GPC6: variants seen among roughly 807,000 people sequenced by gnomAD.
The protein encoded by GPC6 is glypican 6, also known as glypican-6.
In GPC6, 14 loss-of-function variants were observed where a neutral mutation model predicts 55.2. That is an observed-to-expected ratio of 0.25 (90% CI 0.17 to 0.40). GPC6 has a LOEUF of 0.40. Ranked by LOEUF, GPC6 falls within the 10% of genes least tolerant of loss-of-function variation. The pLI is 1.00. For missense variants in GPC6, 641 were observed against 708.5 expected (o/e 0.90, Z 1.08); for synonymous variants, 278 against 259.6 (o/e 1.07, Z -0.68).
intron 1 of GPC6, among the ~76,000 whole-genome samples, chr13:93,259,204 A>G (rs1232023379): frequency 6.6e-6 from 1 of 152,138 alleles, no homozygotes; most frequent in Non-Finnish European, 1.5e-5. Context: ...AACCACTTAA[A>G]GGCGAACCCA....
chr13:93,345,451 G>A (rs1175954384), intron 1 of GPC6, among the ~76,000 whole-genome samples: 4 of 151,600 alleles, frequency 2.6e-5, no homozygotes, highest in South Asian at 2.1e-4. Context: ...TCTGCATCCC[G>A]AGTAAACAGC....
chr13:93,956,461 A>T (rs547514079), intron 3 of GPC6, among the ~76,000 whole-genome samples: 47 of 152,320 alleles, frequency 3.1e-4, no homozygotes, highest in African/African-American at 1.1e-3. Context: ...AGAAATTCAC[A>T]TTAAATACAA....
At chr13:94,114,907 T>G (rs1886381413) in intron 4 of GPC6, among the ~76,000 whole-genome samples, 1 of 152,006 alleles carries the variant, frequency 6.6e-6, no homozygotes, top group Non-Finnish European at 1.5e-5. Context: ...AAACGAGACA[T>G]AAAAGTAAGA....
chr13:94,167,440 T>A (rs891312760), intron 4 of GPC6, among the ~76,000 whole-genome samples: 6 of 152,180 alleles, frequency 3.9e-5, no homozygotes, highest in African/African-American at 1.4e-4. Flanking sequence ...CCTCATTATG[T>A]TTAAATGGTC....
chr13:93,362,327 T>C (rs932396762), intron 1 of GPC6, among the ~76,000 whole-genome samples: 1 of 152,172 alleles, frequency 6.6e-6, no homozygotes, highest in Non-Finnish European at 1.5e-5. Flanking sequence ...CCTTTGCTTT[T>C]GAATTTCTGA....
chr13:93,269,938 G>A (rs1877460077), intron 1 of GPC6, among the ~76,000 whole-genome samples: 1 of 144,988 alleles, frequency 6.9e-6, no homozygotes, highest in Non-Finnish European at 1.5e-5. Flanking sequence ...TATGATATGA[G>A]TAAGTTTAAA....
intron 1 of GPC6, among the ~76,000 whole-genome samples, chr13:93,501,660 G>T (rs970539699): frequency 1.3e-5 from 2 of 152,062 alleles, no homozygotes; most frequent in African/African-American, 4.8e-5. Context: ...ACAAAAAGAA[G>T]AGTTTACTGC....
rs939638252 is a variant in GPC6, at chr13:93,765,995, C to G, written c.320-64159C>G. ...ATGACAAATGAGCCATAAGTTTCAA[C>G]TTTACAGTAGTAGTAGATACCTTGA... On this transcript the variant is annotated intron_variant, in intron 2 of 8. Transcript: ENST00000377047. Among the ~76,000 whole-genome samples, 5 of 152,168 alleles carry G rather than the reference C, an allele frequency of 3.3e-5. No individual in the cohort carries two copies. The East Asian group carries it at 9.6e-4, about 29-fold the overall frequency.
At chr13:94,085,022 C>A (rs977737756) in intron 4 of GPC6, among the ~76,000 whole-genome samples, 11 of 151,684 alleles carry the variant, frequency 7.3e-5, no homozygotes, top group Non-Finnish European at 2.9e-5. Context: ...TGGTATAATT[C>A]ATGTATAAAA....
chr13:94,272,726 C>T (rs1478819766), intron 4 of GPC6, among the ~76,000 whole-genome samples: 1 of 152,008 alleles, frequency 6.6e-6, no homozygotes, highest in Non-Finnish European at 1.5e-5. Context: ...CCTTGGCCTC[C>T]CAAAGTGCTG....
intron 4 of GPC6, among the ~76,000 whole-genome samples, chr13:94,178,566 T>C (rs753367889): frequency 3.9e-5 from 6 of 152,246 alleles, no homozygotes; most frequent in Non-Finnish European, 8.8e-5. Flanking sequence ...TGTTTTTCTT[T>C]CTTCCTTTGA....
At chr13:94,265,371 T>C (rs1413474082) in intron 4 of GPC6, among the ~76,000 whole-genome samples, 1 of 152,112 alleles carries the variant, frequency 6.6e-6, no homozygotes, top group African/African-American at 2.4e-5. Flanking sequence ...GCAGGAAGCA[T>C]CCAGCATGGG....
Position 93,626,864 on chromosome 13 carries a change from C to G in GPC6, c.319+81443C>G, listed in dbSNP as rs565564212. The stretch of plus-strand genomic sequence containing the variant: ...ATAAAGAAAACAGGTTTTATTGGCT[C>G]ACATTTTCACAAGCTGCACAGGAAA... On this transcript the variant is annotated intron_variant, in intron 2 of 8. Coordinates refer to ENST00000377047, the MANE Select transcript of GPC6 (RefSeq NM_005708.5). Among the ~76,000 whole-genome samples the G allele has an allele frequency of 8.0e-4, 121 of 151,542 alleles. 1 individual carries two copies. The highest frequency in any genetic ancestry group is 2.8e-3 in the African/African-American group (114 of 41,290).
intron 1 of GPC6, among the ~76,000 whole-genome samples, chr13:93,355,674 T>C (rs1311805935): frequency 6.6e-6 from 1 of 152,146 alleles, no homozygotes; most frequent in African/African-American, 2.4e-5. Context: ...GTGATGGAAC[T>C]AGAACTATGC....
intron 2 of GPC6, among the ~76,000 whole-genome samples, chr13:93,763,767 G>T (rs1414679463): frequency 2.0e-5 from 3 of 151,922 alleles, no homozygotes; most frequent in Non-Finnish European, 4.4e-5. Flanking sequence ...TTAACTTGCT[G>T]ACCCTACGCT....
chr13:93,592,447 C>A (rs1262182334), intron 2 of GPC6, among the ~76,000 whole-genome samples: 1 of 148,884 alleles, frequency 6.7e-6, no homozygotes, highest in Non-Finnish European at 1.5e-5. Flanking sequence ...GACGGGGTTT[C>A]ACCGTGTTGG....
rs188914123 is a variant in GPC6 at position 94,282,714 on chromosome 13, C to T, written c.878-3635C>T. ...GCAAGGGTGGATGGAGATCTAGGCTCAACTGGGACTGTCATCTGGAATCCC... is the reference window on the plus strand; with the variant it reads ...GCAAGGGTGGATGGAGATCTAGGCTTAACTGGGACTGTCATCTGGAATCCC... On this transcript the variant is annotated intron_variant, in intron 4 of 8. Coordinates refer to ENST00000377047, the MANE Select transcript of GPC6 (RefSeq NM_005708.5). 2.0e-4 allele frequency among the ~76,000 whole-genome samples: 30 copies of T among 152,310 alleles called. 1 individual carries two copies. In the East Asian group the frequency reaches 5.4e-3, roughly 27 times the overall value.
intron 4 of GPC6, 65 bp from the exon 5 acceptor site, chr13:94,286,284 T>TAAACATTGTTA: frequency 6.4e-7 from 1 of 1,557,886 alleles, no homozygotes; most frequent in Non-Finnish European, 8.8e-7. Context: ...TAACAATGTT[T>TAAACATTGTTA]AAACACAGGT....
intron 2 of GPC6, among the ~76,000 whole-genome samples, chr13:93,795,028 A>G (rs1886155261): frequency 6.6e-6 from 1 of 152,190 alleles, no homozygotes; most frequent in Non-Finnish European, 1.5e-5. Context: ...TGTTGTGGAA[A>G]TGATTCTAGT....
Sources: gnomAD v4.1 joint callset for allele counts (sites outside exome capture counted in the v4.1 genomes callset) on GRCh38, gnomAD v4.1.1 for gene constraint, MANE v1.5 for transcripts, NCBI Gene and HGNC (gene_info 2026-07-23, HGNC 2026-07-21) for gene names.